The following CEP290 variants were observed in gnomAD, a reference collection of about 807,000 sequenced individuals.
CEP290 encodes the protein centrosomal protein 290, also known as centrosomal protein of 290 kDa.
Under a neutral mutation model 344.9 loss-of-function variants are expected in CEP290, and 317 were observed. The ratio of observed to expected loss-of-function variants is 0.92; its 90% confidence interval spans 0.84 to 1.01. The LOEUF is 1.01. Among genes scored for constraint, CEP290 ranks in the 50% least tolerant of loss-of-function variants. The pLI, the probability that CEP290 is intolerant of heterozygous loss-of-function variation, is 0.00. For missense variants in CEP290, 2,754 were observed against 2,761.4 expected, an observed-to-expected ratio of 1.00 and a Z score of 0.06; for synonymous variants, 932 against 895.8, an observed-to-expected ratio of 1.04 and a Z score of -0.72.
chr12:88,053,859 T>G, intron 51 of CEP290, 113 bp from the exon 52 acceptor site: 1 of 546,568 alleles, frequency 1.8e-6, no homozygotes, highest in African/African-American at 2.0e-5. Flanking sequence ...CTAGCCTTTA[T>G]CGAAGTAAAC....
At chr12:88,079,833 T>C (rs1339794936) in intron 38 of CEP290, among the ~76,000 whole-genome samples, 1 of 152,090 alleles carries the variant, frequency 6.6e-6, no homozygotes, top group Admixed American at 6.6e-5. Context: ...TGTTCAAAAT[T>C]GTTCATTTGT....
At chr12:88,136,537 T>A (rs2040361976) in intron 6 of CEP290, 106 bp downstream of exon 6, 1 of 1,152,268 alleles carries the variant, frequency 8.7e-7, no homozygotes, top group East Asian at 2.4e-5. Context: ...GTGTACATCA[T>A]TTTTCAAATA....
intron 3 of CEP290, among the ~76,000 whole-genome samples, chr12:88,139,924 G>T (rs952481734): frequency 6.6e-6 from 1 of 151,946 alleles, no homozygotes; most frequent in South Asian, 2.1e-4. Context: ...CATCATGCTC[G>T]GCAAATTTTT....
In CEP290 at chr12:88,062,700, C is replaced by T; in HGVS notation, c.6349G>A (p.Val2117Ile). 1.2e-6 allele frequency: 2 copies of T among 1,602,832 alleles called. No homozygotes were observed. Among genetic ancestry groups the T allele is most frequent in the Non-Finnish European group, 1.7e-6 (2 of 1,173,412 alleles). ...KAEVQRKLGH[V>I]RGSGRSGKTI... ...GGTAAATTCTCACATACCCCTCTAA[C>T]ATGGCCAAGTTTCCGCTGAACTTCT... is the stretch of plus-strand genomic sequence containing the variant. The change falls in exon 46 of 54, where the codon GTT (valine) becomes ATT (isoleucine). Residue 2117 changes from valine (V) to isoleucine (I), a missense_variant. By Grantham distance (29) the Val-to-Ile change is conservative. Transcript: ENST00000552810.
At chr12:88,131,140 C>A in intron 7 of CEP290, 25 bp downstream of exon 7, 1 of 1,480,648 alleles carries the variant, frequency 6.8e-7, no homozygotes, top group Admixed American at 2.7e-5. Context: ...TTTGTTGAAC[C>A]ACCACAACTA....
chr12:88,138,272 C>T (rs2040450853), intron 5 of CEP290, among the ~76,000 whole-genome samples: 1 of 152,174 alleles, frequency 6.6e-6, no homozygotes, highest in Non-Finnish European at 1.5e-5. Flanking sequence ...CACTTTCCTA[C>T]CAATATCTTC....
At chr12:88,057,305 G>A (rs1028013599) in intron 49 of CEP290, among the ~76,000 whole-genome samples, 3 of 152,024 alleles carry the variant, frequency 2.0e-5, no homozygotes, top group African/African-American at 7.2e-5. Flanking sequence ...TAGGCAAGGT[G>A]GGCTTTTAAA....
At chr12:88,081,030 G>T (rs1041303388) in intron 37 of CEP290, among the ~76,000 whole-genome samples, 2 of 152,112 alleles carry the variant, frequency 1.3e-5, no homozygotes, top group East Asian at 1.9e-4. Flanking sequence ...AAATGTGATT[G>T]CTTCCTCTAT....
chr12:88,110,934 G>C (rs2038643581), intron 22 of CEP290, among the ~76,000 whole-genome samples: 1 of 152,068 alleles, frequency 6.6e-6, no homozygotes, highest in African/African-American at 2.4e-5. Context: ...TGCTGCTCAT[G>C]CAGATGAATG....
rs377561473 is a variant in CEP290 at position 88,058,902 on chromosome 12, C to T, written c.6764G>A (p.Gly2255Asp). ...GKRLQFAESR[G>D]PQLEGADSKS... is the part of the protein sequence containing the mutation. ...ACTGTCAGCACCTTCAAGCTGTGGACCTCTGCTTTCTGCAAACTGCAATCT... is the reference window on the plus strand; with the variant it reads ...ACTGTCAGCACCTTCAAGCTGTGGATCTCTGCTTTCTGCAAACTGCAATCT... Residue 2255 changes from glycine (G) to aspartate (D), a missense_variant, in exon 49 of 54, where the codon GGT becomes GAT. Transcript: ENST00000552810. 4 of 1,613,952 alleles carry T rather than the reference C, an allele frequency of 2.5e-6. No individual in the cohort carries two copies. Among genetic ancestry groups the T allele is most frequent in the Non-Finnish European group, 3.4e-6 (4 of 1,179,888 alleles).
At position 88,086,152 on chromosome 12, in the gene CEP290, T is replaced by C. The variant is rs780996316; in HGVS notation, c.4324A>G (p.Ile1442Val). ...AQKFEEATGS[I>V]PDPSLPLPNQ... ...GGAAGGGGCAAACTAGGGTCAGGGA[T>C]TGATCCTGTAGCTTCTTCAAACTAT... The change falls in exon 34 of 54, where the codon ATC becomes GTC. Residue 1442 changes from isoleucine to valine, a missense_variant. By Grantham distance (29) the Ile-to-Val change is conservative (BLOSUM62 3). Transcript: ENST00000552810. The C allele has an allele frequency of 6.2e-6, 10 of 1,612,598 alleles. No homozygotes were observed. The Admixed American group carries it at 8.3e-5, about 13-fold the overall frequency.
At chr12:88,098,452 A>C (rs189560697) in intron 26 of CEP290, among the ~76,000 whole-genome samples, 1 of 152,234 alleles carries the variant, frequency 6.6e-6, no homozygotes, top group East Asian at 1.9e-4. Context: ...TCTACAAAAA[A>C]ACACAAAAAA....
chr12:88,058,482 T>C (rs935219647), intron 49 of CEP290: 1 of 243,484 alleles, frequency 4.1e-6, no homozygotes. Context: ...AAGCAAATTA[T>C]ACAATCAAGA....
chr12:88,118,527 A>AT lies in CEP290; in HGVS notation c.1666dup (p.Ile556AsnfsTer20), dbSNP rs727503855. 868 of 1,475,626 alleles carry AT rather than the reference A, an allele frequency of 5.9e-4. No homozygotes were observed. Among genetic ancestry groups the AT allele is most frequent in the South Asian group, 7.4e-4 (60 of 81,210 alleles). 91.4% of individuals were successfully genotyped at this position (1,475,626 alleles called of 1,614,324 possible). A position where few individuals can be genotyped will look rare whatever the true frequency, so the allele number is the denominator to read the frequency against. ...TCCTCTTTCTTGAGCCATTTGACGA[A>AT]TTTTTTTTTTCAGATCAAGTCGTTC... On this transcript the variant is annotated frameshift_variant, in exon 17 of 54. Transcript: ENST00000552810. LOFTEE classifies it high-confidence loss of function.
chr12:88,130,012 T>G (rs1209739729), intron 9 of CEP290, 136 bp from the exon 10 acceptor site: 4 of 651,690 alleles, frequency 6.1e-6, no homozygotes, highest in Non-Finnish European at 9.7e-6. Context: ...CTAATTGGCA[T>G]TGACCAATTA....
chr12:88,126,994 A>G (rs1402233265), intron 11 of CEP290, among the ~76,000 whole-genome samples: 2 of 75,394 alleles, frequency 2.7e-5, no homozygotes, highest in East Asian at 8.9e-4. Flanking sequence ...ATATTCATAA[A>G]GAAGTCTAAA....
Position 88,089,297 on chromosome 12 carries a change from T to C in CEP290, c.3764A>G (p.Glu1255Gly). Residue 1255 changes from glutamate to glycine, a missense_variant, in exon 31 of 54, where the codon GAG becomes GGG. Coordinates refer to ENST00000552810, the MANE Select transcript of CEP290 (RefSeq NM_025114.4). ...CAGATGTTTTGCTCTGTTTCTTCCC[T>C]CCAAACGAGCATAATAGAGAGCCTG... ...KEQALYYARL[E>G]GRNRAKHLRQ... is the part of the protein sequence containing the mutation. The C allele has an allele frequency of 1.9e-6, 3 of 1,613,994 alleles. No homozygotes were observed. The highest frequency in any genetic ancestry group is 1.3e-5 in the African/African-American group (1 of 75,054).
intron 25 of CEP290, chr12:88,103,404 A>G (rs1487257309): frequency 6.5e-6 from 1 of 154,750 alleles, no homozygotes; most frequent in East Asian, 1.9e-4. Context: ...GGTAACTTTC[A>G]CAGCTTAGCT....
At chr12:88,062,375 CA>C (rs1351146590) in intron 46 of CEP290, among the ~76,000 whole-genome samples, 3 of 152,022 alleles carry the variant, frequency 2.0e-5, no homozygotes, top group Non-Finnish European at 4.4e-5. Flanking sequence ...CAAATGGTTA[CA>C]AAATGGCAGC....
Sources: allele counts gnomAD v4.1 joint callset (sites outside exome capture counted in the v4.1 genomes callset), GRCh38; gene constraint gnomAD v4.1.1; transcripts MANE v1.5; gene names NCBI Gene and HGNC (gene_info 2026-07-23, HGNC 2026-07-21).